Variants in GABBR2 observed in about 807,000 individuals in gnomAD.
The protein encoded by GABBR2 is G-protein coupled receptor 51.
Under a neutral mutation model 105.6 loss-of-function variants are expected in GABBR2, and 23 were observed. The ratio of observed to expected loss-of-function variants is 0.22; its 90% confidence interval spans 0.16 to 0.31. The LOEUF (loss-of-function observed/expected upper bound fraction) is 0.31. Among genes scored for constraint, GABBR2 ranks in the 10% least tolerant of loss-of-function variants. GABBR2 has a pLI of 1.00. For synonymous variants in GABBR2, 478 were observed against 499.7 expected, an observed-to-expected ratio of 0.96 and a Z score of 0.58; for missense variants, 734 against 1,245.5, an observed-to-expected ratio of 0.59 and a Z score of 6.18.
intron 7 of GABBR2, among the ~76,000 whole-genome samples, chr9:98,409,204 C>G (rs974961353): frequency 1.3e-5 from 2 of 152,140 alleles, no homozygotes; most frequent in African/African-American, 4.8e-5. Context: ...CACATTGCCC[C>G]CAGAGACCAT....
chr9:98,602,028 T>C (rs972316756), intron 1 of GABBR2, among the ~76,000 whole-genome samples: 1 of 151,850 alleles, frequency 6.6e-6, no homozygotes, highest in Admixed American at 6.6e-5. Context: ...TGAGACAGAG[T>C]CTTGCTCTGT....
At chr9:98,590,056 C>A (rs1194645055) in intron 1 of GABBR2, among the ~76,000 whole-genome samples, 1 of 152,152 alleles carries the variant, frequency 6.6e-6, no homozygotes, top group Non-Finnish European at 1.5e-5. Flanking sequence ...TCGCCTCTGT[C>A]CCCCTTTGCC....
At chr9:98,378,181 C>T (rs1410961151) in intron 11 of GABBR2, among the ~76,000 whole-genome samples, 3 of 152,192 alleles carry the variant, frequency 2.0e-5, no homozygotes, top group African/African-American at 4.8e-5. Flanking sequence ...TGTTCCTAGG[C>T]AGCCTTTACC....
chr9:98,663,565 T>A (rs1830295394), intron 1 of GABBR2, among the ~76,000 whole-genome samples: 1 of 148,968 alleles, frequency 6.7e-6, no homozygotes, highest in Non-Finnish European at 1.5e-5. Context: ...GAAAGATAGA[T>A]GGGCAGCCAA....
At chr9:98,540,342 T>C (rs1828269622) in intron 3 of GABBR2, among the ~76,000 whole-genome samples, 2 of 152,194 alleles carry the variant, frequency 1.3e-5, no homozygotes, top group South Asian at 4.1e-4. Flanking sequence ...CATTACTCAT[T>C]GGATTTTGGC....
chr9:98,520,031 A>G (rs7861460), intron 3 of GABBR2, among the ~76,000 whole-genome samples: 52,649 of 151,970 alleles, frequency 0.35, 9,358 homozygotes, highest in Middle Eastern at 0.5. Flanking sequence ...CTATGTCCCC[A>G]CTGCTGGGCT....
intron 2 of GABBR2, among the ~76,000 whole-genome samples, chr9:98,565,945 C>A (rs975160524): frequency 1.3e-5 from 2 of 152,234 alleles, no homozygotes; most frequent in Admixed American, 1.3e-4. Context: ...GCCATGCCAC[C>A]ACATGCACCC....
intron 3 of GABBR2, among the ~76,000 whole-genome samples, chr9:98,504,659 C>T (rs1218730166): frequency 6.6e-6 from 1 of 152,220 alleles, no homozygotes; most frequent in Non-Finnish European, 1.5e-5. Context: ...CGAAATGTCA[C>T]TCCTCTTACC....
At chr9:98,610,011 C>T (rs990204000) in intron 1 of GABBR2, among the ~76,000 whole-genome samples, 1 of 152,182 alleles carries the variant, frequency 6.6e-6, no homozygotes, top group African/African-American at 2.4e-5. Flanking sequence ...CACAGAAGCA[C>T]GTGGATGTCA....
chr9:98,460,132 A>T (rs770612994), intron 6 of GABBR2, among the ~76,000 whole-genome samples: 1 of 152,204 alleles, frequency 6.6e-6, no homozygotes, highest in Non-Finnish European at 1.5e-5. Flanking sequence ...GTTGGCGGGA[A>T]TGGTGGCTCA....
intron 4 of GABBR2, among the ~76,000 whole-genome samples, chr9:98,489,071 C>T (rs369391310): frequency 6.6e-5 from 10 of 152,236 alleles, no homozygotes; most frequent in East Asian, 3.9e-4. Flanking sequence ...TCAGTTCTGC[C>T]GCTGTAGCAC....
At chr9:98,700,893 G>A (rs337538) in intron 1 of GABBR2, among the ~76,000 whole-genome samples, 106,404 of 152,104 alleles carry the variant, frequency 0.7, 38,593 homozygotes, top group Middle Eastern at 0.84. Context: ...GGCTCCTCGC[G>A]TTACCACCTG....
intron 13 of GABBR2, among the ~76,000 whole-genome samples, chr9:98,324,444 T>C (rs1321691455): frequency 2.0e-5 from 3 of 151,532 alleles, no homozygotes; most frequent in African/African-American, 7.3e-5. Flanking sequence ...CTTTGAGGGC[T>C]GTTCTTAGTA....
intron 7 of GABBR2, among the ~76,000 whole-genome samples, chr9:98,410,446 A>G (rs951577932): frequency 6.6e-6 from 1 of 151,158 alleles, no homozygotes; most frequent in Non-Finnish European, 1.5e-5. Flanking sequence ...GCTGGTTTCC[A>G]TTTAGGGAAG....
intron 1 of GABBR2, among the ~76,000 whole-genome samples, chr9:98,684,247 AT>A (rs546704563): frequency 1.2e-4 from 18 of 147,202 alleles, no homozygotes; most frequent in African/African-American, 3.2e-4. Context: ...TCTGAAGTCT[AT>A]TTTTTTTAAG....
intron 1 of GABBR2, among the ~76,000 whole-genome samples, chr9:98,654,318 C>T (rs1365650132): frequency 1.3e-5 from 2 of 152,346 alleles, no homozygotes; most frequent in Non-Finnish European, 2.9e-5. Context: ...TGGCCCATCT[C>T]GGCCCCAGCA....
intron 1 of GABBR2, among the ~76,000 whole-genome samples, chr9:98,648,476 A>C (rs576459815): frequency 6.6e-6 from 1 of 152,276 alleles, no homozygotes; most frequent in East Asian, 1.9e-4. Flanking sequence ...TTAAAGATGC[A>C]TCTCCACGTT....
intron 1 of GABBR2, among the ~76,000 whole-genome samples, chr9:98,591,255 G>A (rs1444908160): frequency 6.6e-6 from 1 of 152,238 alleles, no homozygotes; most frequent in Non-Finnish European, 1.5e-5. Flanking sequence ...ACCAGCAAGA[G>A]TGAAGGCTTG....
At chr9:98,490,255 A>T (rs181995243) in intron 4 of GABBR2, among the ~76,000 whole-genome samples, 14 of 141,242 alleles carry the variant, frequency 9.9e-5, no homozygotes, top group Admixed American at 6.8e-4. Flanking sequence ...TTACTACAAT[A>T]AAAAAAAAGG....
Sources: allele counts gnomAD v4.1 joint callset (sites outside exome capture counted in the v4.1 genomes callset), GRCh38; gene constraint gnomAD v4.1.1; transcripts MANE v1.5; gene names NCBI Gene and HGNC (gene_info 2026-07-23, HGNC 2026-07-21).